HGD: variants seen among roughly 807,000 people sequenced by gnomAD.
HGD encodes homogentisate 1,2-dioxygenase, also known as homogentisate oxidase.
HGD carries 61 observed loss-of-function variants against 60.8 expected under a neutral mutation model. The ratio of observed to expected loss-of-function variants is 1.00; its 90% CI spans 0.82 to 1.24. The LOEUF is 1.24. Among genes scored for constraint, HGD ranks in the 50% most tolerant of loss-of-function variants. The pLI is 0.00. For synonymous variants in HGD, 212 were observed against 187.7 expected, an observed-to-expected ratio of 1.13 and a Z score of -1.06; for missense variants, 542 against 547.1, an observed-to-expected ratio of 0.99 and a Z score of 0.09.
rs1235115761 is a variant in HGD at position 120,630,835 on chromosome 3, C to CAT, written c.1189-2307_1189-2306insAT. Among the ~76,000 whole-genome samples the CAT allele has an allele frequency of 5.2e-3, 396 of 76,580 alleles. 9 individuals carry two copies. The highest frequency in any genetic ancestry group is 0.046 in the Admixed American group (345 of 7,476). 50.2% of individuals were successfully genotyped at this position (76,580 alleles called of 152,430 possible). On this transcript the variant is annotated intron_variant, in intron 13 of 13. Transcript: ENST00000283871. ...ATATATATATATATATACACATACA[C>CAT]ACACACATACACACACACACACACA...
At position 120,633,151 on chromosome 3, in the gene HGD, G is replaced by A. The variant is rs765272112; in HGVS notation, c.1184C>T (p.Thr395Ile). The A allele has an allele frequency of 3.2e-5, 51 of 1,613,876 alleles. No individual in the cohort carries two copies. Among genetic ancestry groups the A allele is most frequent in the Non-Finnish European group, 4.2e-5 (49 of 1,179,940 alleles). ...KLAPERIADG[T>I]MAFMFESSLS... is the part of the protein sequence containing the mutation. ...TGTGGCAGTTAACATACTTACCATG[G>A]TGCCATCGGCAATCCTCTCAGGTGC... Residue 395 changes from threonine (T) to isoleucine (I), a missense_variant, in exon 13 of 14, where the codon ACC (threonine) becomes ATC (isoleucine). This residue lies in a region of HGD where 537 missense variants were observed against 529.1 expected (regional missense o/e 1.01). Transcript: ENST00000283871.
chr3:120,679,949 A>C (rs1381901200), intron 1 of HGD, among the ~76,000 whole-genome samples: 1 of 152,234 alleles, frequency 6.6e-6, no homozygotes, highest in Non-Finnish European at 1.5e-5. Flanking sequence ...CAGCAGCAAG[A>C]GGAAATCAGT....
Position 120,650,860 on chromosome 3 carries a change from C to T in HGD, c.348G>A (p.Leu116=). The T allele has an allele frequency of 6.2e-7, 1 of 1,613,336 alleles. No individual in the cohort carries two copies. The highest frequency in any genetic ancestry group is 8.5e-7 in the Non-Finnish European group (1 of 1,179,252). Residue 116 remains leucine (L), a synonymous_variant, in exon 6 of 14, where the codon CTG becomes CTA. Coordinates refer to ENST00000283871, the MANE Select transcript of HGD (RefSeq NM_000187.4). The stretch of plus-strand genomic sequence containing the variant: ...TGTCTCCAGCTCCACACAAGGTATG[C>T]AGGCCCTGGGAGAGACCCACAGAAG... ...SQKKVDFVSG[L]HTLCGAGDIK...
Position 120,682,231 on chromosome 3 carries a change from C to T in HGD, c.-120G>A, listed in dbSNP as rs191643714. 44 of 954,822 alleles carry T rather than the reference C, an allele frequency of 4.6e-5. No individual in the cohort carries two copies. The highest frequency in any genetic ancestry group is 1.2e-4 in the East Asian group (5 of 41,820). The allele number at this position is 954,822 out of a possible 1,614,324, so 59.1% of individuals were successfully genotyped here. A position where few individuals can be genotyped will look rare whatever the true frequency, so the allele number is the denominator to read the frequency against. ...TATTCCGGTTCCCACTGCTTCACTG[C>T]GCTTCACTGGTCAGTGCGTCACTCA... On this transcript the variant is annotated 5_prime_UTR_variant, in exon 1 of 14. Coordinates refer to ENST00000283871, the MANE Select transcript of HGD (RefSeq NM_000187.4).
At chr3:120,648,284 C>T (rs540857296) in intron 6 of HGD, among the ~76,000 whole-genome samples, 2 of 152,282 alleles carry the variant, frequency 1.3e-5, no homozygotes, top group Admixed American at 1.3e-4. Flanking sequence ...AAAGAATGTT[C>T]CAGGCAGAAG....
At chr3:120,665,986 G>A (rs763634646) in intron 4 of HGD, among the ~76,000 whole-genome samples, 1 of 152,184 alleles carries the variant, frequency 6.6e-6, no homozygotes, top group African/African-American at 2.4e-5. Context: ...AGAAAGTGAT[G>A]AATGCAAAAT....
At chr3:120,641,908 A>T in intron 10 of HGD, 1 of 569,018 alleles carries the variant, frequency 1.8e-6, no homozygotes, top group Non-Finnish European at 3.2e-6. Context: ...TCTGGTTCAT[A>T]AGCTGCAGCT....
rs548350717 is a variant in HGD at position 120,676,320 on chromosome 3, G to A, written c.16-457C>T. Among the ~76,000 whole-genome samples the A allele has an allele frequency of 7.9e-5, 12 of 152,294 alleles. No homozygotes were observed. The South Asian group carries it at 8.3e-4, about 11-fold the overall frequency. ...CTATGGAACACATCTATATTTGTGCGAATGCATGAAAATAAAGTTTAAAGA... is the reference window on the plus strand; with the variant it reads ...CTATGGAACACATCTATATTTGTGCAAATGCATGAAAATAAAGTTTAAAGA... On this transcript the variant is annotated intron_variant, in intron 1 of 13. Coordinates refer to ENST00000283871, the MANE Select transcript of HGD (RefSeq NM_000187.4).
intron 11 of HGD, among the ~76,000 whole-genome samples, chr3:120,640,225 G>A (rs1410137252): frequency 2.0e-5 from 3 of 149,144 alleles, no homozygotes; most frequent in Non-Finnish European, 3.0e-5. Flanking sequence ...AAGGAAGGAC[G>A]TGGCGGGGAT....
chr3:120,681,037 T>A (rs574680515), intron 1 of HGD, among the ~76,000 whole-genome samples: 19 of 152,352 alleles, frequency 1.2e-4, no homozygotes, highest in African/African-American at 4.3e-4. Flanking sequence ...GGCATAAAGA[T>A]AAAAAACCAA....
chr3:120,637,326 C>T (rs1476526067), intron 12 of HGD, among the ~76,000 whole-genome samples: 1 of 131,450 alleles, frequency 7.6e-6, no homozygotes, highest in African/African-American at 2.7e-5. Flanking sequence ...AAAAAAAAAG[C>T]GGGGGGGACA....
At chr3:120,666,109 G>C (rs903553209) in intron 4 of HGD, among the ~76,000 whole-genome samples, 6 of 152,160 alleles carry the variant, frequency 3.9e-5, no homozygotes, top group South Asian at 2.1e-4. Context: ...GTTTATCATG[G>C]AGAGAGAAGT....
chr3:120,649,324 T>A (rs764774105), intron 6 of HGD, among the ~76,000 whole-genome samples: 5 of 151,700 alleles, frequency 3.3e-5, no homozygotes, highest in Non-Finnish European at 5.9e-5. Flanking sequence ...TTGTATTTTT[T>A]AGTAGAGATG....
At chr3:120,679,506 G>A (rs1708194760) in intron 1 of HGD, among the ~76,000 whole-genome samples, 1 of 152,180 alleles carries the variant, frequency 6.6e-6, no homozygotes, top group Non-Finnish European at 1.5e-5. Context: ...CTTAACCCCT[G>A]AAACCTGTGA....
chr3:120,671,071 A>G (rs112939667), intron 3 of HGD, among the ~76,000 whole-genome samples: 2,275 of 152,314 alleles, frequency 0.015, 50 homozygotes, highest in African/African-American at 0.052. Context: ...AAAGTCCTGA[A>G]AGGTAAATGG....
intron 6 of HGD, 116 bp downstream of exon 6, chr3:120,650,658 C>A: frequency 1.3e-6 from 1 of 794,634 alleles, no homozygotes; most frequent in South Asian, 1.4e-5. Flanking sequence ...AAACCAATAA[C>A]AAAAACAACT....
Position 120,633,210 on chromosome 3 carries a change from A to T in HGD, c.1125T>A (p.Ala375=). 1 of 1,614,176 alleles carries T rather than the reference A, an allele frequency of 6.2e-7. No homozygotes were observed. The highest frequency in any genetic ancestry group is 8.5e-7 in the Non-Finnish European group (1 of 1,180,026). ...CCTTGCTGGCCTTCTCAAAGCAGTC[A>T]GCATCAGGTCCATGGGGGGTCATTG... ...HSTMTPHGPD[A]DCFEKASKVK... Residue 375 remains alanine, a synonymous_variant, in exon 13 of 14, where the codon GCT becomes GCA. Coordinates refer to ENST00000283871, the MANE Select transcript of HGD (RefSeq NM_000187.4).
chr3:120,644,174 A>G (rs1371048556), intron 10 of HGD, 145 bp downstream of exon 10: 2 of 941,714 alleles, frequency 2.1e-6, no homozygotes, highest in East Asian at 2.4e-5. Flanking sequence ...ATTGACTACT[A>G]GAACTATTTG....
chr3:120,646,989 T>C lies in HGD; in HGVS notation c.533A>G (p.Glu178Gly). The C allele has an allele frequency of 6.2e-7, 1 of 1,613,854 alleles. No individual in the cohort carries two copies. Among genetic ancestry groups the C allele is most frequent in the Non-Finnish European group, 8.5e-7 (1 of 1,179,754 alleles). The change falls in exon 8 of 14, where the codon GAG (glutamate) becomes GGG (glycine). Residue 178 changes from glutamate (E) to glycine (G), a missense_variant. Coordinates refer to ENST00000283871, the MANE Select transcript of HGD (RefSeq NM_000187.4). ...EFGKMLVQPN[E>G]ICVIQRGMRF... ...ATCACCAACCTGAATGACGCAGATCTCATTGGGCTGTACAAGCATCTTGCC... is the reference window on the plus strand; with the variant it reads ...ATCACCAACCTGAATGACGCAGATCCCATTGGGCTGTACAAGCATCTTGCC...
Sources: gnomAD v4.1 joint callset for allele counts (sites outside exome capture counted in the v4.1 genomes callset) on GRCh38, gnomAD v4.1.1 for gene constraint, gnomAD v4.1.1 regional missense constraint, MANE v1.5 for transcripts, NCBI Gene and HGNC (gene_info 2026-07-23, HGNC 2026-07-21) for gene names.